Variants in ERAP2 observed in about 807,000 individuals in gnomAD.
ERAP2 encodes endoplasmic reticulum aminopeptidase 2.
In ERAP2, 118 loss-of-function variants were observed where a neutral mutation model predicts 111.1. That is an observed-to-expected ratio of 1.06 (90% CI 0.92 to 1.24). The LOEUF (loss-of-function observed/expected upper bound fraction) is 1.24, where lower values mean the gene tolerates loss of function less well. Ranked by LOEUF, ERAP2 falls within the 50% of genes most tolerant of loss-of-function variation. ERAP2 has a pLI of 0.00. For synonymous variants in ERAP2, 410 were observed against 401.2 expected, an observed-to-expected ratio of 1.02 and a Z score of -0.26; for missense variants, 1,131 against 1,125.8, an observed-to-expected ratio of 1.00 and a Z score of -0.07.
At chr5:96,903,029 T>C (rs761880145) in intron 12 of ERAP2, among the ~76,000 whole-genome samples, 5 of 152,186 alleles carry the variant, frequency 3.3e-5, no homozygotes, top group Non-Finnish European at 5.9e-5. Flanking sequence ...CAATGACTAG[T>C]GACTAAACCT....
At chr5:96,886,907 A>G in intron 4 of ERAP2, 118 bp downstream of exon 4, 1 of 1,005,084 alleles carries the variant, frequency 9.9e-7, no homozygotes, top group Non-Finnish European at 1.3e-6. Flanking sequence ...ACAAGAAGAG[A>G]TAGATAAAAA....
At position 96,880,273 on chromosome 5, in the gene ERAP2, T is replaced by A; in HGVS notation, c.575+13T>A. 1 of 1,593,194 alleles carries A rather than the reference T, an allele frequency of 6.3e-7. No individual in the cohort carries two copies. The highest frequency in any genetic ancestry group is 2.2e-5 in the East Asian group (1 of 44,600). ...GTGGTGAAACAAGGTAAGAACTTGC[T>A]CAGGTAATTTACATTCTTTTGTGAT... On this transcript the variant is annotated intron_variant, in intron 2 of 18. Coordinates refer to ENST00000437043, the MANE Select transcript of ERAP2 (RefSeq NM_022350.5).
intron 2 of ERAP2, among the ~76,000 whole-genome samples, chr5:96,882,836 C>G (rs911410934): frequency 6.6e-6 from 1 of 152,178 alleles, no homozygotes; most frequent in Non-Finnish European, 1.5e-5. Context: ...AATATCCTGA[C>G]AGCTTCTCTT....
At position 96,914,148 on chromosome 5, in the gene ERAP2, T is replaced by TCTCACA. The variant is rs34158080; in HGVS notation, c.2657+692_2657+693insTCACAC. The stretch of plus-strand genomic sequence containing the variant: ...CTTTCTGTCTCTCTCTCTCTCTCTC[T>TCTCACA]CACACACACACACACACACAATCAC... On this transcript the variant is annotated intron_variant, in intron 17 of 18. Transcript: ENST00000437043. 3.7e-3 allele frequency among the ~76,000 whole-genome samples: 550 copies of TCTCACA among 148,060 alleles called. 10 individuals carry two copies. In the East Asian group the frequency reaches 0.039, roughly 10 times the overall value.
intron 9 of ERAP2, among the ~76,000 whole-genome samples, chr5:96,897,555 G>A (rs1784998134): frequency 6.6e-6 from 1 of 151,550 alleles, no homozygotes; most frequent in Admixed American, 6.6e-5. Flanking sequence ...TTTTTTTAAT[G>A]TGATAGCACC....
At chr5:96,913,292 A>G (rs1787008516) in intron 16 of ERAP2, 25 bp from the exon 17 acceptor site, 1 of 1,603,434 alleles carries the variant, frequency 6.2e-7, no homozygotes, top group Admixed American at 1.7e-5. Context: ...TACTATTTAG[A>G]AACAAATTAT....
At chr5:96,912,063 G>A (rs377674803) in intron 15 of ERAP2, among the ~76,000 whole-genome samples, 1 of 150,338 alleles carries the variant, frequency 6.7e-6, no homozygotes, top group East Asian at 2.0e-4. Context: ...GGTGGCGGGC[G>A]CCTGTAGTCC....
At chr5:96,876,403 G>C (rs553994242), upstream of ERAP2, 1 of 152,386 alleles carries the variant, frequency 6.6e-6, no homozygotes, top group African/African-American at 2.4e-5. Flanking sequence ...ATTCACACCT[G>C]CGTGATAATG....
chr5:96,901,682 G>A lies in ERAP2; in HGVS notation c.1748+1G>A, dbSNP rs1207736303. 2 of 1,613,242 alleles carry A rather than the reference G, an allele frequency of 1.2e-6. No individual in the cohort carries two copies. The highest frequency in any genetic ancestry group is 1.7e-6 in the Non-Finnish European group (2 of 1,179,686). Reference sequence around the variant, plus strand: ...CTGAATGGAGGGCCCTGCAGGAGAGGTGGCTGCTTTTCTTCTTTAGGTCTA... The same window carrying A: ...CTGAATGGAGGGCCCTGCAGGAGAGATGGCTGCTTTTCTTCTTTAGGTCTA... On this transcript the variant is annotated splice_donor_variant, in intron 11 of 18. Transcript: ENST00000437043. LOFTEE classifies it high-confidence loss of function.
At chr5:96,902,377 G>A (rs937900011) in intron 12 of ERAP2, 24 bp downstream of exon 12, 2 of 1,454,302 alleles carry the variant, frequency 1.4e-6, no homozygotes, top group Non-Finnish European at 1.9e-6. Context: ...TAGCCAAACA[G>A]GTATTTCAAT....
intron 9 of ERAP2, among the ~76,000 whole-genome samples, 174 bp downstream of exon 9, chr5:96,897,037 G>A (rs1427919214): frequency 3.4e-5 from 2 of 59,510 alleles, no homozygotes; most frequent in Non-Finnish European, 7.7e-5. Context: ...ACCACACTAG[G>A]ATGTCACGCT....
At position 96,903,375 on chromosome 5, in the gene ERAP2, A is replaced by C. The variant is rs1364229659; in HGVS notation, c.1829-2A>C. ...ATGCCTATGCCAATCTTATCCTCTT[A>C]GATACTCTGGATCTACCTGAAAAGA... On this transcript the variant is annotated splice_acceptor_variant, in intron 12 of 18. Transcript: ENST00000437043. LOFTEE classifies it high-confidence loss of function. 1 of 1,609,088 alleles carries C rather than the reference A, an allele frequency of 6.2e-7. No individual in the cohort carries two copies. Among genetic ancestry groups the C allele is most frequent in the Non-Finnish European group, 8.5e-7 (1 of 1,177,740 alleles).
intron 1 of ERAP2, among the ~76,000 whole-genome samples, chr5:96,877,136 G>A (rs149603366): frequency 0.041 from 6,299 of 152,084 alleles, 420 homozygotes; most frequent in African/African-American, 0.14. Flanking sequence ...CACCATGCCC[G>A]GCTAATTTTT....
chr5:96,904,336 T>C (rs921390228), intron 13 of ERAP2, among the ~76,000 whole-genome samples: 1 of 152,230 alleles, frequency 6.6e-6, no homozygotes, highest in Non-Finnish European at 1.5e-5. Context: ...AAGCTTTCCC[T>C]ATTCTGAGAA....
chr5:96,895,386 C>A (rs1375016153), intron 7 of ERAP2, 27 bp downstream of exon 7: 3 of 1,378,316 alleles, frequency 2.2e-6, no homozygotes, highest in Non-Finnish European at 3.1e-6. Flanking sequence ...GTGTATCATA[C>A]TATATGGTGT....
intron 8 of ERAP2, 71 bp from the exon 9 acceptor site, chr5:96,896,661 C>A: frequency 1.3e-6 from 2 of 1,487,220 alleles, no homozygotes; most frequent in Non-Finnish European, 1.8e-6. Context: ...AAAATTTAAG[C>A]TTCCTTTAAA....
intron 3 of ERAP2, among the ~76,000 whole-genome samples, chr5:96,884,460 A>G (rs953641897): frequency 6.6e-6 from 1 of 151,426 alleles, no homozygotes; most frequent in African/African-American, 2.4e-5. Flanking sequence ...TCTGATCTAG[A>G]AGTCTATGAT....
At chr5:96,882,253 C>A (rs1783215006) in intron 2 of ERAP2, among the ~76,000 whole-genome samples, 1 of 152,122 alleles carries the variant, frequency 6.6e-6, no homozygotes, top group South Asian at 2.1e-4. Flanking sequence ...TTTTCAAATG[C>A]CGAAGGCCCC....
intron 7 of ERAP2, among the ~76,000 whole-genome samples, chr5:96,895,970 TG>T (rs1385046948): frequency 2.0e-5 from 3 of 152,326 alleles, no homozygotes. Context: ...ACTGAATTTG[TG>T]GCTTAATGCC....
Sources: gnomAD v4.1 joint callset for allele counts (sites outside exome capture counted in the v4.1 genomes callset) on GRCh38, gnomAD v4.1.1 for gene constraint, MANE v1.5 for transcripts, NCBI Gene and HGNC (gene_info 2026-07-23, HGNC 2026-07-21) for gene names.